SNX33: variants seen among roughly 807,000 people sequenced by gnomAD.
SNX33 encodes the protein sorting nexin-33.
SNX33 carries 19 observed loss-of-function variants against 38.8 expected under a neutral mutation model. The ratio of observed to expected loss-of-function variants is 0.49; its 90% CI spans 0.34 to 0.72. The LOEUF (loss-of-function observed/expected upper bound fraction) is 0.72. Ranked by LOEUF, SNX33 falls within the 30% of genes least tolerant of loss-of-function variation. The pLI, the probability that SNX33 is intolerant of heterozygous loss-of-function variation, is 0.01. For missense variants in SNX33, 641 were observed against 776.4 expected, an observed-to-expected ratio of 0.83 and a Z score of 2.07; for synonymous variants, 246 against 289.7, an observed-to-expected ratio of 0.85 and a Z score of 1.53.
intron 1 of SNX33, 85 bp from the exon 2 acceptor site, chr15:75,656,877 T>A: frequency 6.5e-7 from 1 of 1,531,310 alleles, no homozygotes; most frequent in Non-Finnish European, 8.8e-7. Flanking sequence ...GTTGAGCTGA[T>A]GAGGGTGCTG....
Position 75,657,721 on chromosome 15 carries a change from A to G in SNX33, c.*506A>G, listed in dbSNP as rs1310248992. ...GTGAGGGATTTCTGGAAGCTCATAG[A>G]AGGGACCACAGCATTCCACTGGTCA... On this transcript the variant is annotated 3_prime_UTR_variant, in exon 2 of 2. Coordinates refer to ENST00000308527, the MANE Select transcript of SNX33 (RefSeq NM_153271.2). This position sits in a 1 kb window ranked among gnomAD's most constrained non-coding sequence, Gnocchi z 5.5. The G allele has an allele frequency of 5.2e-6, 1 of 191,878 alleles. No homozygotes were observed. The highest frequency in any genetic ancestry group is 1.2e-4 in the East Asian group (1 of 8,354). 11.9% of individuals were successfully genotyped at this position (191,878 alleles called of 1,614,324 possible).
Position 75,649,325 on chromosome 15 carries a change from G to A in SNX33, c.223G>A (p.Ala75Thr). The A allele has an allele frequency of 6.3e-7, 1 of 1,591,774 alleles. No homozygotes were observed. The highest frequency in any genetic ancestry group is 8.6e-7 in the Non-Finnish European group (1 of 1,166,048). Residue 75 changes from alanine to threonine, a missense_variant, in exon 1 of 2, where the codon GCA (alanine) becomes ACA (threonine). By Grantham distance (58) the Ala-to-Thr change is moderately conservative (BLOSUM62 0). This residue lies in a region of SNX33 where 243 missense variants were observed against 233.9 expected (regional missense o/e 1.04). Transcript: ENST00000308527. The surrounding 1 kb of genome is among the most constrained non-coding windows in gnomAD (Gnocchi z 6.6). Reference protein sequence around the residue: ...TNHADYSSSPAGSPGAQVSLY... With the variant: ...TNHADYSSSPTGSPGAQVSLY... ...CCATGCTGACTACTCCAGCAGCCCTGCAGGCTCTCCCGGAGCCCAGGTGAG... is the reference window on the plus strand; with the variant it reads ...CCATGCTGACTACTCCAGCAGCCCTACAGGCTCTCCCGGAGCCCAGGTGAG...
rs1416463777 is a variant in SNX33, at chr15:75,660,477, C to T, written c.*3262C>T. Reference sequence around the variant, plus strand: ...ACTCACAGACTCACGAATGTAATCGCTCAGTCTCACAACAAGCACACGCAG... The same window carrying T: ...ACTCACAGACTCACGAATGTAATCGTTCAGTCTCACAACAAGCACACGCAG... On this transcript the variant is annotated 3_prime_UTR_variant, in exon 2 of 2. Coordinates refer to ENST00000308527, the MANE Select transcript of SNX33 (RefSeq NM_153271.2). 1 of 152,750 alleles carries T rather than the reference C, an allele frequency of 6.5e-6. No homozygotes were observed. Among genetic ancestry groups the T allele is most frequent in the African/African-American group, 2.4e-5 (1 of 41,452 alleles). The allele number at this position is 152,750 out of a possible 1,614,324, so 9.5% of individuals were successfully genotyped here.
chr15:75,653,466 G>A (rs554560365), intron 1 of SNX33, among the ~76,000 whole-genome samples: 6 of 152,362 alleles, frequency 3.9e-5, no homozygotes, highest in Middle Eastern at 3.4e-3. Context: ...GGTCAGGAGG[G>A]CGATGTGGTC....
chr15:75,656,936 G>A (rs200249093), intron 1 of SNX33, 26 bp from the exon 2 acceptor site: 30 of 1,602,484 alleles, frequency 1.9e-5, no homozygotes, highest in Middle Eastern at 1.7e-4. Context: ...GCCCTCACAC[G>A]CTGTCCTCTG....
chr15:75,657,192 C>G lies in SNX33; in HGVS notation c.1702C>G (p.Leu568Val). 1 of 1,614,112 alleles carries G rather than the reference C, an allele frequency of 6.2e-7. No individual in the cohort carries two copies. Among genetic ancestry groups the G allele is most frequent in the Non-Finnish European group, 8.5e-7 (1 of 1,179,994 alleles). Residue 568 changes from leucine to valine, a missense_variant, in exon 2 of 2, where the codon CTG becomes GTG. Leu to Val is a conservative substitution (Grantham distance 32, BLOSUM62 1). Around this residue, in one of 2 missense-constraint regions of SNX33, gnomAD observed 398 missense variants for 542.5 expected, o/e 0.73. Transcript: ENST00000308527. The surrounding 1 kb of genome is among the most constrained non-coding windows in gnomAD (Gnocchi z 5.5). ...QRVGQQLEKT[L>V]RMYDNL ...GGTGGGCCAGCAGCTGGAGAAGACC[C>G]TGCGCATGTATGACAACCTCTGACC...
intron 1 of SNX33, among the ~76,000 whole-genome samples, chr15:75,652,516 ACCAGGGCCTCCCAGGCTGGGGGGAAG>A (rs1893598417): frequency 6.6e-6 from 1 of 152,188 alleles, no homozygotes; most frequent in Non-Finnish European, 1.5e-5. Flanking sequence ...TAGGAAGGAC[ACCAGGGCCTCCCAGGCTGGGGGGAAG>A]CCAGACCAGC....
rs896877750 is a variant in SNX33 at position 75,657,322 on chromosome 15, G to T, written c.*107G>T. On this transcript the variant is annotated 3_prime_UTR_variant, in exon 2 of 2. Coordinates refer to ENST00000308527, the MANE Select transcript of SNX33 (RefSeq NM_153271.2). The surrounding 1 kb of genome is among the most constrained non-coding windows in gnomAD (Gnocchi z 5.5). Reference sequence around the variant, plus strand: ...GTGACTGGGGGAGGGGTCAGCGGTGGGGGAGATAAGCGGCCTGTCCTGCCT... The same window carrying T: ...GTGACTGGGGGAGGGGTCAGCGGTGTGGGAGATAAGCGGCCTGTCCTGCCT... 8.4e-5 allele frequency: 130 copies of T among 1,542,620 alleles called. No individual in the cohort carries two copies. Among genetic ancestry groups the T allele is most frequent in the Admixed American group, 1.8e-5 (1 of 56,640 alleles).
chr15:75,656,003 A>T (rs1452629465), intron 1 of SNX33, among the ~76,000 whole-genome samples: 23 of 152,212 alleles, frequency 1.5e-4, no homozygotes, highest in Admixed American at 1.5e-3. Context: ...CTGCTTGTTC[A>T]TTCATTCAGA....
chr15:75,651,418 G>A (rs1173324484), intron 1 of SNX33, among the ~76,000 whole-genome samples: 1 of 152,188 alleles, frequency 6.6e-6, no homozygotes. Context: ...GCCTAGCCAT[G>A]TTTTCAGTTC....
chr15:75,657,690 G>T lies in SNX33; in HGVS notation c.*475G>T, dbSNP rs929705448. The stretch of plus-strand genomic sequence containing the variant: ...ACAGAGTCAATGCAGTATGACTGAT[G>T]TTTAAGTGAGGGATTTCTGGAAGCT... On this transcript the variant is annotated 3_prime_UTR_variant, in exon 2 of 2. Coordinates refer to ENST00000308527, the MANE Select transcript of SNX33 (RefSeq NM_153271.2). This position sits in a 1 kb window ranked among gnomAD's most constrained non-coding sequence, Gnocchi z 5.5. The T allele has an allele frequency of 5.0e-6, 1 of 198,054 alleles. No homozygotes were observed. Among genetic ancestry groups the T allele is most frequent in the Non-Finnish European group, 1.1e-5 (1 of 94,462 alleles). 12.3% of individuals were successfully genotyped at this position (198,054 alleles called of 1,614,324 possible). A position where few individuals can be genotyped will look rare whatever the true frequency, so the allele number is the denominator to read the frequency against.
At chr15:75,651,673 C>T (rs1423091804) in intron 1 of SNX33, among the ~76,000 whole-genome samples, 1 of 152,258 alleles carries the variant, frequency 6.6e-6, no homozygotes, top group Non-Finnish European at 1.5e-5. Context: ...TGCCTGAGTC[C>T]TGGGCACAGC....
Position 75,649,077 on chromosome 15 carries a change from A to G in SNX33, c.-26A>G, listed in dbSNP as rs773061757. The G allele has an allele frequency of 7.1e-6, 11 of 1,551,898 alleles. No homozygotes were observed. The African/African-American group carries it at 1.5e-4, about 21-fold the overall frequency. The stretch of plus-strand genomic sequence containing the variant: ...GTCTGGGCAGGACCCTCTCCTTCCC[A>G]TCTTTCTATACCACCCAGCCCAGCC... On this transcript the variant is annotated 5_prime_UTR_variant, in exon 1 of 2. Transcript: ENST00000308527. This position sits in a 1 kb window ranked among gnomAD's most constrained non-coding sequence, Gnocchi z 6.6.
chr15:75,656,215 C>T (rs1893650455), intron 1 of SNX33, among the ~76,000 whole-genome samples: 1 of 152,118 alleles, frequency 6.6e-6, no homozygotes, highest in African/African-American at 2.4e-5. Context: ...AGCCAGGGCA[C>T]AGGTGACATG....
rs746150677 is a variant in SNX33, at chr15:75,650,444, C to T, written c.1342C>T (p.Arg448Cys). ...CAACAGTGCCATTTCTCACACGGGC[C>T]GTACCTATGAAGCCATCGGGGAGAT... ...ALNSAISHTG[R>C]TYEAIGEMFA... The change falls in exon 1 of 2, where the codon CGT becomes TGT. Residue 448 changes from arginine to cysteine, a missense_variant. Physicochemically the swap from Arg to Cys is radical, Grantham distance 180. Transcript: ENST00000308527. The surrounding 1 kb of genome is among the most constrained non-coding windows in gnomAD (Gnocchi z 6.1). The T allele has an allele frequency of 1.2e-5, 19 of 1,614,030 alleles. No homozygotes were observed. The South Asian group carries it at 1.4e-4, about 12-fold the overall frequency.
Position 75,661,560 on chromosome 15 carries a change from T to C in SNX33, c.*4345T>C, listed in dbSNP as rs1235492050. The C allele has an allele frequency of 1.3e-5, 2 of 152,214 alleles. No homozygotes were observed. Among genetic ancestry groups the C allele is most frequent in the African/African-American group, 2.4e-5 (1 of 41,464 alleles). The allele number at this position is 152,214 out of a possible 1,614,324, so 9.4% of individuals were successfully genotyped here. On this transcript the variant is annotated 3_prime_UTR_variant, in exon 2 of 2. Coordinates refer to ENST00000308527, the MANE Select transcript of SNX33 (RefSeq NM_153271.2). The surrounding 1 kb of genome is among the most constrained non-coding windows in gnomAD (Gnocchi z 4.5). Reference sequence around the variant, plus strand: ...AACTTTTTTTTTCTTTTGGTTTGGTTTTGTTTTGTTGGTCAAACCCCAGTG... The same window carrying C: ...AACTTTTTTTTTCTTTTGGTTTGGTCTTGTTTTGTTGGTCAAACCCCAGTG...
At position 75,648,133 on chromosome 15, in the gene SNX33, G is replaced by C. The variant is rs1893520177; in HGVS notation, c.-970G>C. On this transcript the variant is annotated 5_prime_UTR_variant, in exon 1 of 2. Transcript: ENST00000308527. This position sits in a 1 kb window ranked among gnomAD's most constrained non-coding sequence, Gnocchi z 4.4. ...GCGTGCACGCGAGGGTGGTGATCGG[G>C]GGTCGTAAGTCCCGGGTGAGGAACC... is the stretch of plus-strand genomic sequence containing the variant. The C allele has an allele frequency of 1.0e-6, 1 of 985,400 alleles. No homozygotes were observed. The highest frequency in any genetic ancestry group is 1.2e-6 in the Non-Finnish European group (1 of 830,012). 61.0% of individuals were successfully genotyped at this position (985,400 alleles called of 1,614,324 possible). A position where few individuals can be genotyped will look rare whatever the true frequency, so the allele number is the denominator to read the frequency against.
Position 75,657,394 on chromosome 15 carries a change from TC to T in SNX33, c.*183del. 1 of 1,025,398 alleles carries T rather than the reference TC, an allele frequency of 9.8e-7. No homozygotes were observed. Among genetic ancestry groups the T allele is most frequent in the Non-Finnish European group, 1.4e-6 (1 of 712,422 alleles). The allele number at this position is 1,025,398 out of a possible 1,614,324, so 63.5% of individuals were successfully genotyped here. On this transcript the variant is annotated 3_prime_UTR_variant, in exon 2 of 2. Coordinates refer to ENST00000308527, the MANE Select transcript of SNX33 (RefSeq NM_153271.2). This position sits in a 1 kb window ranked among gnomAD's most constrained non-coding sequence, Gnocchi z 5.5. ...GGAGTCATGGGTGCCCCTGGGAAATTCCCCACTCCTTAGAAGTGGGGCACAG... is the reference window on the plus strand; with the variant it reads ...GGAGTCATGGGTGCCCCTGGGAAATTCCCACTCCTTAGAAGTGGGGCACAG...
At position 75,648,933 on chromosome 15, in the gene SNX33, G is replaced by T; in HGVS notation, c.-170G>T. On this transcript the variant is annotated 5_prime_UTR_variant, in exon 1 of 2. The change creates a new upstream start codon in the 5' untranslated region. Coordinates refer to ENST00000308527, the MANE Select transcript of SNX33 (RefSeq NM_153271.2). This position sits in a 1 kb window ranked among gnomAD's most constrained non-coding sequence, Gnocchi z 4.4. Reference sequence around the variant, plus strand: ...TGGGCCATGGACATTGCTTTGAAGAGGGGGAGACTGGACAGCATCTGTGGG... The same window carrying T: ...TGGGCCATGGACATTGCTTTGAAGATGGGGAGACTGGACAGCATCTGTGGG... 1.3e-6 allele frequency: 1 copy of T among 749,918 alleles called. No homozygotes were observed. Among genetic ancestry groups the T allele is most frequent in the South Asian group, 2.3e-5 (1 of 42,586 alleles). The allele number at this position is 749,918 out of a possible 1,614,324, so 46.5% of individuals were successfully genotyped here.
Sources: gnomAD v4.1 joint callset for allele counts (sites outside exome capture counted in the v4.1 genomes callset) on GRCh38, gnomAD v4.1.1 for gene constraint, gnomAD v4.1.1 regional missense constraint, Gnocchi (gnomAD v3.1) non-coding constraint, MANE v1.5 for transcripts, NCBI Gene and HGNC (gene_info 2026-07-23, HGNC 2026-07-21) for gene names.